ODR4: variants seen among roughly 807,000 people sequenced by gnomAD.
ODR4 encodes the protein protein odr-4 homolog.
In ODR4, 47 loss-of-function variants were observed where a neutral mutation model predicts 60.2. That is an observed-to-expected ratio of 0.78 (90% confidence interval 0.62 to 1.00). ODR4 has a LOEUF of 1.00. Ranked by LOEUF, ODR4 falls within the 50% of genes least tolerant of loss-of-function variation. The probability of loss-of-function intolerance (pLI) is 0.00; values close to 1 mark genes in which losing one functional copy is unlikely to be tolerated. For synonymous variants in ODR4, 178 were observed against 175.5 expected (o/e 1.01, Z -0.11); for missense variants, 488 against 530.8 (o/e 0.92, Z 0.79).
intron 5 of ODR4, among the ~76,000 whole-genome samples, chr1:186,388,852 A>G (rs182396623): frequency 1.4e-4 from 22 of 152,350 alleles, no homozygotes; most frequent in Non-Finnish European, 2.9e-4. Context: ...ATAAATGCCT[A>G]ACTGATGGCT....
intron 2 of ODR4, 99 bp downstream of exon 2, chr1:186,379,983 A>G: frequency 1.5e-6 from 1 of 677,358 alleles, no homozygotes; most frequent in Non-Finnish European, 2.3e-6. Flanking sequence ...CTATTTAATA[A>G]TAAACTCAAG....
intron 11 of ODR4, among the ~76,000 whole-genome samples, chr1:186,403,254 T>C (rs1661054337): frequency 6.6e-6 from 1 of 152,060 alleles, no homozygotes. Flanking sequence ...TTTTTTTAAT[T>C]TTTAACTTTT....
At chr1:186,401,299 A>G (rs1660936410) in intron 11 of ODR4, 1 of 992,074 alleles carries the variant, frequency 1.0e-6, no homozygotes, top group Non-Finnish European at 1.4e-6. Flanking sequence ...AATTTTTAAA[A>G]GGTGAAAAAG....
chr1:186,413,805 T>C (rs1436613147), intron 12 of ODR4, among the ~76,000 whole-genome samples: 2 of 152,178 alleles, frequency 1.3e-5, no homozygotes, highest in Non-Finnish European at 2.9e-5. Context: ...GGAGTTCAAG[T>C]CTTAACATTT....
At position 186,421,247 on chromosome 1, in the gene ODR4, C is replaced by G. The variant is rs937245055; in HGVS notation, c.*2171C>G. 1.3e-5 allele frequency: 2 copies of G among 152,056 alleles called. No homozygotes were observed. The highest frequency in any genetic ancestry group is 2.9e-5 in the Non-Finnish European group (2 of 68,024). The allele number at this position is 152,056 out of a possible 1,614,324, so 9.4% of individuals were successfully genotyped here. A position where few individuals can be genotyped will look rare whatever the true frequency, so the allele number is the denominator to read the frequency against. On this transcript the variant is annotated 3_prime_UTR_variant, in exon 14 of 14. Coordinates refer to ENST00000287859, the MANE Select transcript of ODR4 (RefSeq NM_017847.6). ...AAAAGGATTATCTGAAATTGAAAAACTAGTAAGCAAATAAATGATAAACAT... is the reference window on the plus strand; with the variant it reads ...AAAAGGATTATCTGAAATTGAAAAAGTAGTAAGCAAATAAATGATAAACAT...
chr1:186,390,763 G>A lies in ODR4; in HGVS notation c.527G>A (p.Trp176Ter). The change falls in exon 7 of 14, where the codon TGG becomes TAG. Residue 176 changes from tryptophan to a stop codon, truncating the protein, a stop_gained. Coordinates refer to ENST00000287859, the MANE Select transcript of ODR4 (RefSeq NM_017847.6). LOFTEE classifies it high-confidence loss of function. ...WKYQSGLSSS[W>*]LSLECTVHIN... is the part of the protein sequence containing the mutation. Reference sequence around the variant, plus strand: ...TATCAAAGTGGATTATCATCCTCATGGCTTTCTTTAGAGTGTACAGTTCAC... The same window carrying A: ...TATCAAAGTGGATTATCATCCTCATAGCTTTCTTTAGAGTGTACAGTTCAC... The A allele has an allele frequency of 1.2e-6, 2 of 1,613,244 alleles. No homozygotes were observed. Among genetic ancestry groups the A allele is most frequent in the Non-Finnish European group, 1.7e-6 (2 of 1,179,432 alleles).
intron 11 of ODR4, among the ~76,000 whole-genome samples, chr1:186,405,545 G>T (rs922499537): frequency 8.5e-5 from 13 of 152,170 alleles, no homozygotes; most frequent in Admixed American, 7.9e-4. Context: ...GCAATGATAA[G>T]TTTATTTTAT....
At chr1:186,385,732 G>A (rs574541544) in intron 3 of ODR4, among the ~76,000 whole-genome samples, 1 of 152,280 alleles carries the variant, frequency 6.6e-6, no homozygotes, top group East Asian at 1.9e-4. Context: ...TAGAAAGTCT[G>A]AAATATCAAT....
At chr1:186,382,994 T>C in intron 2 of ODR4, 28 bp from the exon 3 acceptor site, 3 of 1,566,174 alleles carry the variant, frequency 1.9e-6, no homozygotes, top group Non-Finnish European at 2.6e-6. Context: ...GATATCACTC[T>C]AACAAGCTTT....
chr1:186,421,419 A>G (rs1486126053), downstream of ODR4: 2 of 152,198 alleles, frequency 1.3e-5, no homozygotes, highest in Non-Finnish European at 2.9e-5. Flanking sequence ...AAAATTGGAT[A>G]ATAGCTGCTG....
chr1:186,382,224 G>A (rs1660063046), intron 2 of ODR4, among the ~76,000 whole-genome samples: 1 of 136,458 alleles, frequency 7.3e-6, no homozygotes, highest in South Asian at 2.5e-4. Context: ...GGGCAACATA[G>A]CAAGACTCTG....
At position 186,389,629 on chromosome 1, in the gene ODR4, G is replaced by T; in HGVS notation, c.474+5G>T. 6.7e-7 allele frequency: 1 copy of T among 1,497,676 alleles called. No individual in the cohort carries two copies. Among genetic ancestry groups the T allele is most frequent in the South Asian group, 1.3e-5 (1 of 78,520 alleles). 92.8% of individuals were successfully genotyped at this position (1,497,676 alleles called of 1,614,324 possible). On this transcript the variant is annotated splice_donor_5th_base_variant and intron_variant, in intron 6 of 13. Transcript: ENST00000287859. ...TATGATATCCATGATCCAAAGGTAA[G>T]AAATTTACTCTTTAAAGATTTTTCT...
chr1:186,388,573 T>C (rs936588783), intron 5 of ODR4, 25 bp downstream of exon 5: 16 of 1,330,072 alleles, frequency 1.2e-5, no homozygotes, highest in Non-Finnish European at 1.6e-5. Flanking sequence ...GTTTATGGTT[T>C]AAAAGTACAA....
At chr1:186,385,322 A>T (rs912880739) in intron 3 of ODR4, among the ~76,000 whole-genome samples, 1 of 147,000 alleles carries the variant, frequency 6.8e-6, no homozygotes, top group African/African-American at 2.5e-5. Context: ...TGCTAAAAAT[A>T]GGGATACAGA....
intron 8 of ODR4, 85 bp from the exon 9 acceptor site, chr1:186,393,862 T>C (rs1240464568): frequency 1.4e-6 from 1 of 698,318 alleles, no homozygotes; most frequent in African/African-American, 1.8e-5. Flanking sequence ...TCTAAGTTAC[T>C]TAGTATATGT....
intron 1 of ODR4, among the ~76,000 whole-genome samples, chr1:186,379,063 T>C (rs192727827): frequency 6.6e-6 from 1 of 152,326 alleles, no homozygotes; most frequent in Admixed American, 6.5e-5. Flanking sequence ...CAGAAATTCA[T>C]GTTTACGATT....
chr1:186,404,119 T>C (rs550332437), intron 11 of ODR4, among the ~76,000 whole-genome samples: 1 of 152,352 alleles, frequency 6.6e-6, no homozygotes, highest in South Asian at 2.1e-4. Flanking sequence ...CCAATTCTTA[T>C]TATATTGGCT....
chr1:186,393,603 A>G (rs950008077), intron 8 of ODR4, among the ~76,000 whole-genome samples: 4 of 152,346 alleles, frequency 2.6e-5, no homozygotes, highest in Admixed American at 6.5e-5. Flanking sequence ...TTTTATCTCT[A>G]CTGTGTAGCA....
At chr1:186,413,383 A>T (rs1050687439) in intron 12 of ODR4, among the ~76,000 whole-genome samples, 3 of 152,150 alleles carry the variant, frequency 2.0e-5, no homozygotes, top group African/African-American at 7.2e-5. Context: ...AGTAGTTGCT[A>T]TGTTTAAAAT....
Sources: allele counts gnomAD v4.1 joint callset (sites outside exome capture counted in the v4.1 genomes callset), GRCh38; gene constraint gnomAD v4.1.1; transcripts MANE v1.5; gene names NCBI Gene and HGNC (gene_info 2026-07-23, HGNC 2026-07-21).